The following ADAM18 variants were observed in gnomAD, a reference collection of about 807,000 sequenced individuals.
ADAM18 encodes ADAM metallopeptidase domain 18.
A neutral mutation model predicts 94.4 loss-of-function variants in ADAM18; 117 were observed. The observed-to-expected ratio is 1.24, with a 90% confidence interval of 1.07 to 1.45. The LOEUF (loss-of-function observed/expected upper bound fraction) is 1.45. ADAM18 is among the 40% of genes most tolerant of loss of function. The probability of loss-of-function intolerance (pLI) is 0.00; values close to 1 mark genes in which losing one functional copy is unlikely to be tolerated. For synonymous variants in ADAM18, 327 were observed against 291.6 expected, an observed-to-expected ratio of 1.12 and a Z score of -1.24; for missense variants, 936 against 880.0, an observed-to-expected ratio of 1.06 and a Z score of -0.81.
At chr8:39,687,703 T>C (rs569489098) in intron 16 of ADAM18, among the ~76,000 whole-genome samples, 3 of 152,208 alleles carry the variant, frequency 2.0e-5, no homozygotes, top group Non-Finnish European at 2.9e-5. Flanking sequence ...CTCCCACTTA[T>C]AAGTGAGAAC....
intron 19 of ADAM18, among the ~76,000 whole-genome samples, chr8:39,729,450 C>G (rs558706673): frequency 2.0e-5 from 3 of 152,136 alleles, no homozygotes; most frequent in African/African-American, 7.2e-5. Context: ...CTATTGTTTT[C>G]ATGTGTGAAC....
intron 18 of ADAM18, among the ~76,000 whole-genome samples, chr8:39,713,883 G>A (rs879705619): frequency 7.2e-5 from 11 of 152,244 alleles, no homozygotes; most frequent in Non-Finnish European, 1.2e-4. Flanking sequence ...TCAGTGTGGC[G>A]ATTCCTCAAG....
intron 16 of ADAM18, among the ~76,000 whole-genome samples, chr8:39,681,831 C>G (rs995946069): frequency 6.6e-6 from 1 of 152,026 alleles, no homozygotes; most frequent in Non-Finnish European, 1.5e-5. Context: ...TTCTACAGTA[C>G]GTGGAAAGTA....
Position 39,729,948 on chromosome 8 carries a change from C to A in ADAM18, c.*8C>A. On this transcript the variant is annotated 3_prime_UTR_variant, in exon 20 of 20. Transcript: ENST00000265707. ...GATGACGTGGGACATTAATATTGCA[C>A]AGAACTTCCATAGCAAATAACCTAA... is the stretch of plus-strand genomic sequence containing the variant. 6.2e-7 allele frequency: 1 copy of A among 1,610,046 alleles called. No homozygotes were observed. The highest frequency in any genetic ancestry group is 8.5e-7 in the Non-Finnish European group (1 of 1,176,302).
intron 2 of ADAM18, among the ~76,000 whole-genome samples, chr8:39,593,597 A>T (rs1426370500): frequency 2.6e-5 from 4 of 152,168 alleles, no homozygotes. Flanking sequence ...ATCCAAACAT[A>T]TACAGTCAAC....
chr8:39,653,436 A>T (rs1360761625), intron 12 of ADAM18, among the ~76,000 whole-genome samples: 1 of 152,226 alleles, frequency 6.6e-6, no homozygotes, highest in African/African-American at 2.4e-5. Flanking sequence ...AAAATTGACA[A>T]ATTATCCTAA....
At chr8:39,624,974 T>A (rs1168661153) in intron 6 of ADAM18, among the ~76,000 whole-genome samples, 1 of 152,222 alleles carries the variant, frequency 6.6e-6, no homozygotes, top group Non-Finnish European at 1.5e-5. Flanking sequence ...TCTCAGGTAT[T>A]CTTTTATAGC....
At chr8:39,635,922 T>C (rs1242384013) in intron 7 of ADAM18, among the ~76,000 whole-genome samples, 2 of 152,122 alleles carry the variant, frequency 1.3e-5, no homozygotes, top group African/African-American at 4.8e-5. Flanking sequence ...TGTCTGCCCT[T>C]TTCCTACATT....
intron 6 of ADAM18, among the ~76,000 whole-genome samples, chr8:39,624,388 C>G (rs1210892090): frequency 6.6e-6 from 1 of 152,160 alleles, no homozygotes; most frequent in African/African-American, 2.4e-5. Flanking sequence ...GTATTCCCAG[C>G]GTCATTCATT....
intron 14 of ADAM18, among the ~76,000 whole-genome samples, chr8:39,669,065 G>T (rs930347449): frequency 6.6e-6 from 1 of 151,456 alleles, no homozygotes; most frequent in Non-Finnish European, 1.5e-5. Context: ...ATGTGTGTGT[G>T]TTTTGTTTTT....
At chr8:39,663,743 A>G in intron 12 of ADAM18, 52 bp from the exon 13 acceptor site, 1 of 1,182,268 alleles carries the variant, frequency 8.5e-7, no homozygotes, top group Non-Finnish European at 1.2e-6. Flanking sequence ...TTAAGAAACA[A>G]GAGCTTTTAA....
chr8:39,602,983 G>T (rs1818952878), intron 2 of ADAM18, among the ~76,000 whole-genome samples: 1 of 151,940 alleles, frequency 6.6e-6, no homozygotes, highest in African/African-American at 2.4e-5. Context: ...TGCAAGGTGT[G>T]ATGTCTGTAT....
chr8:39,614,043 G>A (rs1819360704), intron 6 of ADAM18, among the ~76,000 whole-genome samples: 1 of 152,128 alleles, frequency 6.6e-6, no homozygotes, highest in African/African-American at 2.4e-5. Context: ...AAGCAACTTG[G>A]AAAACATATT....
intron 10 of ADAM18, among the ~76,000 whole-genome samples, chr8:39,642,153 C>G (rs1390151190): frequency 6.6e-6 from 1 of 152,090 alleles, no homozygotes; most frequent in South Asian, 2.1e-4. Flanking sequence ...CCTACAGATG[C>G]TAGATATTAA....
chr8:39,655,486 A>T (rs1016149378), intron 12 of ADAM18, among the ~76,000 whole-genome samples: 1 of 151,874 alleles, frequency 6.6e-6, no homozygotes. Context: ...AAATTTTGAG[A>T]AAAAAAGGAA....
chr8:39,617,389 T>C (rs1414276365), intron 6 of ADAM18, among the ~76,000 whole-genome samples: 1 of 152,224 alleles, frequency 6.6e-6, no homozygotes, highest in African/African-American at 2.4e-5. Context: ...TGTGCACTGC[T>C]GATGAGAATG....
intron 18 of ADAM18, among the ~76,000 whole-genome samples, chr8:39,710,739 A>G (rs1237688210): frequency 6.6e-6 from 1 of 152,232 alleles, no homozygotes; most frequent in East Asian, 1.9e-4. Flanking sequence ...ACTGGCAGTT[A>G]TGTTGTCAGG....
intron 12 of ADAM18, among the ~76,000 whole-genome samples, chr8:39,650,760 T>C (rs1355929596): frequency 6.6e-6 from 1 of 152,126 alleles, no homozygotes; most frequent in Non-Finnish European, 1.5e-5. Flanking sequence ...CCCAATAACA[T>C]TTTGCACGAA....
chr8:39,613,490 A>G lies in ADAM18; in HGVS notation c.522+2784A>G, dbSNP rs764397817. 3.3e-5 allele frequency among the ~76,000 whole-genome samples: 5 copies of G among 152,222 alleles called. 1 individual carries two copies. Among genetic ancestry groups the G allele is most frequent in the Non-Finnish European group, 2.9e-5 (2 of 68,034 alleles). On this transcript the variant is annotated intron_variant, in intron 6 of 19. Coordinates refer to ENST00000265707, the MANE Select transcript of ADAM18 (RefSeq NM_014237.3). ...AAAAGCAAAAAGCCCCACCCAAAGG[A>G]CAAAAACTTTAAACAAACATCAACC...
Sources: gnomAD v4.1 joint callset for allele counts (sites outside exome capture counted in the v4.1 genomes callset) on GRCh38, gnomAD v4.1.1 for gene constraint, MANE v1.5 for transcripts, NCBI Gene and HGNC (gene_info 2026-07-23, HGNC 2026-07-21) for gene names.